Variants in STK39 observed in about 807,000 individuals in gnomAD.
The protein encoded by STK39 is serine/threonine kinase 39, also known as STE20/SPS1-related proline-alanine-rich protein kinase.
A neutral mutation model predicts 77.8 loss-of-function variants in STK39; 20 were observed. The ratio of observed to expected loss-of-function variants is 0.26; its 90% CI spans 0.18 to 0.37. STK39 has a LOEUF of 0.37. Ranked by LOEUF, STK39 falls within the 10% of genes least tolerant of loss-of-function variation. The pLI is 1.00. For synonymous variants in STK39, 246 were observed against 234.1 expected (o/e 1.05, Z -0.47); for missense variants, 479 against 656.5 (o/e 0.73, Z 2.95).
At chr2:168,146,175 G>T (rs1223570277) in intron 5 of STK39, among the ~76,000 whole-genome samples, 4 of 152,216 alleles carry the variant, frequency 2.6e-5, no homozygotes, top group Non-Finnish European at 5.9e-5. Context: ...CACCTATGAG[G>T]AAAAAGAACT....
intron 14 of STK39, among the ~76,000 whole-genome samples, chr2:168,042,753 TA>T (rs1339048795): frequency 6.6e-6 from 1 of 152,082 alleles, no homozygotes; most frequent in Non-Finnish European, 1.5e-5. Flanking sequence ...CTAATTTTTG[TA>T]TTTTTAGTAG....
At chr2:168,037,806 G>A (rs1316658399) in intron 14 of STK39, among the ~76,000 whole-genome samples, 1 of 152,068 alleles carries the variant, frequency 6.6e-6, no homozygotes, top group African/African-American at 2.4e-5. Flanking sequence ...GGTCCGATGG[G>A]TAATCATTTT....
intron 15 of STK39, among the ~76,000 whole-genome samples, chr2:168,016,089 G>C (rs141458364): frequency 6.6e-6 from 1 of 152,020 alleles, no homozygotes; most frequent in East Asian, 1.9e-4. Context: ...CACCACACCC[G>C]GCTAGTTTTT....
At chr2:168,216,508 GC>G (rs1296722508) in intron 1 of STK39, among the ~76,000 whole-genome samples, 1 of 152,184 alleles carries the variant, frequency 6.6e-6, no homozygotes, top group Non-Finnish European at 1.5e-5. Flanking sequence ...GTTGTGTTTG[GC>G]TGTTTGAAGA....
chr2:168,190,239 C>T (rs1034127370), intron 1 of STK39, among the ~76,000 whole-genome samples: 1 of 152,202 alleles, frequency 6.6e-6, no homozygotes, highest in African/African-American at 2.4e-5. Context: ...AAGACACCCG[C>T]AGACAAGGCA....
chr2:168,150,447 T>C (rs1043177367), intron 5 of STK39, among the ~76,000 whole-genome samples: 2 of 152,156 alleles, frequency 1.3e-5, no homozygotes. Flanking sequence ...CAGATTTTTA[T>C]GAAATCTTTG....
At chr2:168,129,486 T>C (rs986452315) in intron 10 of STK39, 55 bp downstream of exon 10, 6 of 1,597,182 alleles carry the variant, frequency 3.8e-6, no homozygotes, top group Admixed American at 3.4e-5. Context: ...TTTCTATGGG[T>C]TTCATTTCCC....
chr2:168,077,878 A>G (rs1686120597), intron 10 of STK39, among the ~76,000 whole-genome samples: 1 of 150,630 alleles, frequency 6.6e-6, no homozygotes, highest in Non-Finnish European at 1.5e-5. Flanking sequence ...CGGGAATTGA[A>G]TAATACCTTG....
At chr2:168,093,889 G>A (rs1413389284) in intron 10 of STK39, among the ~76,000 whole-genome samples, 1 of 152,156 alleles carries the variant, frequency 6.6e-6, no homozygotes, top group Non-Finnish European at 1.5e-5. Context: ...GACACTTTTT[G>A]CTCTGGCTCC....
chr2:167,980,649 A>C (rs780905806), intron 16 of STK39, among the ~76,000 whole-genome samples: 9 of 152,008 alleles, frequency 5.9e-5, no homozygotes, highest in African/African-American at 7.2e-5. Context: ...GCTCTCTCAC[A>C]CATGTGGCCA....
At chr2:168,144,185 G>A (rs1243457033) in intron 5 of STK39, among the ~76,000 whole-genome samples, 1 of 152,228 alleles carries the variant, frequency 6.6e-6, no homozygotes, top group Admixed American at 6.5e-5. Flanking sequence ...TAATGGGCAA[G>A]ATCTGAGTGT....
At chr2:168,009,876 A>G (rs1487920889) in intron 16 of STK39, among the ~76,000 whole-genome samples, 1 of 152,244 alleles carries the variant, frequency 6.6e-6, no homozygotes, top group Non-Finnish European at 1.5e-5. Context: ...TTGTATTTAA[A>G]ATACACTCAA....
At chr2:168,109,430 T>C (rs895842442) in intron 10 of STK39, among the ~76,000 whole-genome samples, 6 of 152,240 alleles carry the variant, frequency 3.9e-5, no homozygotes, top group African/African-American at 1.4e-4. Flanking sequence ...TTTTCGCTGC[T>C]GTATGATACT....
chr2:168,230,238 T>C (rs1029998969), intron 1 of STK39, among the ~76,000 whole-genome samples: 1 of 152,208 alleles, frequency 6.6e-6, no homozygotes, highest in African/African-American at 2.4e-5. Flanking sequence ...TCCTTTCCCT[T>C]TGAATTTGGG....
At chr2:168,078,107 T>C (rs947514695) in intron 10 of STK39, among the ~76,000 whole-genome samples, 8 of 152,208 alleles carry the variant, frequency 5.3e-5, no homozygotes, top group Admixed American at 4.6e-4. Flanking sequence ...AAAAAATCCA[T>C]TGCTTCTCAG....
chr2:168,016,965 G>C (rs1684426077), intron 15 of STK39, 78 bp downstream of exon 15: 6 of 1,185,046 alleles, frequency 5.1e-6, no homozygotes, highest in African/African-American at 1.5e-5. Flanking sequence ...TTAAATAGCA[G>C]ATTATAACCA....
At chr2:168,212,398 T>C (rs1460099636) in intron 1 of STK39, among the ~76,000 whole-genome samples, 2 of 152,178 alleles carry the variant, frequency 1.3e-5, no homozygotes, top group African/African-American at 4.8e-5. Context: ...AAGCCTTCAT[T>C]CATGAAGTTG....
At chr2:167,968,310 T>C (rs367995672) in intron 16 of STK39, among the ~76,000 whole-genome samples, 1 of 152,220 alleles carries the variant, frequency 6.6e-6, no homozygotes, top group Non-Finnish European at 1.5e-5. Flanking sequence ...CACCAAGTCA[T>C]GGGATTGCTG....
intron 2 of STK39, among the ~76,000 whole-genome samples, chr2:168,171,081 A>G (rs911176395): frequency 6.6e-6 from 1 of 152,172 alleles, no homozygotes; most frequent in African/African-American, 2.4e-5. Flanking sequence ...GCGCCAAACC[A>G]AGCTATGGCA....
Sources: gnomAD v4.1 joint callset for allele counts (sites outside exome capture counted in the v4.1 genomes callset) on GRCh38, gnomAD v4.1.1 for gene constraint, MANE v1.5 for transcripts, NCBI Gene and HGNC (gene_info 2026-07-23, HGNC 2026-07-21) for gene names.